Variants in PTN observed in about 807,000 individuals in gnomAD.
PTN encodes heparin affin regulatory protein.
Under a neutral mutation model 24.1 loss-of-function variants are expected in PTN, and 18 were observed. That is an observed-to-expected ratio of 0.75 (90% CI 0.52 to 1.11). The LOEUF is 1.11. Among genes scored for constraint, PTN ranks in the 50% least tolerant of loss-of-function variants. PTN has a pLI of 0.00. For synonymous variants in PTN, 78 were observed against 68.6 expected (o/e 1.14, Z -0.67); for missense variants, 163 against 198.8 (o/e 0.82, Z 1.08).
intron 1 of PTN, among the ~76,000 whole-genome samples, chr7:137,286,129 C>T (rs1220493648): frequency 6.6e-6 from 1 of 152,002 alleles, no homozygotes; most frequent in East Asian, 1.9e-4. Context: ...GTCAAATAAC[C>T]CCCAATAACT....
intron 4 of PTN, among the ~76,000 whole-genome samples, chr7:137,240,621 C>T (rs1347529569): frequency 6.6e-6 from 1 of 152,196 alleles, no homozygotes; most frequent in Non-Finnish European, 1.5e-5. Flanking sequence ...AATCATGGCC[C>T]AGTCTGCTGT....
chr7:137,287,161 C>T (rs6467703), intron 1 of PTN, among the ~76,000 whole-genome samples: 9,978 of 152,182 alleles, frequency 0.066, 639 homozygotes, highest in African/African-American at 0.17. Flanking sequence ...ATTGAATAAA[C>T]GAGGCTTGTT....
chr7:137,254,188 C>T (rs1313034295), intron 2 of PTN, among the ~76,000 whole-genome samples: 3 of 151,892 alleles, frequency 2.0e-5, no homozygotes, highest in Middle Eastern at 6.8e-3. Context: ...GCCCCAGCTA[C>T]TCGGGAAGCT....
intron 1 of PTN, among the ~76,000 whole-genome samples, chr7:137,295,113 T>A (rs1272773712): frequency 1.3e-5 from 2 of 152,100 alleles, no homozygotes; most frequent in Non-Finnish European, 2.9e-5. Context: ...GGAAATGTAC[T>A]ATAAGTGTGA....
rs186386916 is a variant in PTN, at chr7:137,296,194, T to C, written c.-1-41220A>G. 1.8e-3 allele frequency among the ~76,000 whole-genome samples: 273 copies of C among 152,190 alleles called. 1 individual carries two copies. Among genetic ancestry groups the C allele is most frequent in the African/African-American group, 6.3e-3 (262 of 41,550 alleles). On this transcript the variant is annotated intron_variant, in intron 1 of 4. Coordinates refer to ENST00000348225, the MANE Select transcript of PTN (RefSeq NM_002825.7). ...CTATTTCAGATAGAATTATAGCAAG[T>C]GAGATAAACATATGTGAAATTATCT...
chr7:137,289,663 T>G (rs1349752080), intron 1 of PTN, among the ~76,000 whole-genome samples: 1 of 152,128 alleles, frequency 6.6e-6, no homozygotes, highest in Non-Finnish European at 1.5e-5. Context: ...GTGGCAAGGA[T>G]GGTCTCTATG....
chr7:137,285,696 TA>T (rs1380303734), intron 1 of PTN, among the ~76,000 whole-genome samples: 1 of 152,172 alleles, frequency 6.6e-6, no homozygotes, highest in Non-Finnish European at 1.5e-5. Context: ...AAGTAGTTGC[TA>T]ACCTACATCA....
intron 1 of PTN, among the ~76,000 whole-genome samples, chr7:137,302,058 T>C (rs796130004): frequency 5.3e-5 from 8 of 152,134 alleles, no homozygotes; most frequent in African/African-American, 1.9e-4. Flanking sequence ...GTAAAAATTA[T>C]CTGGAAATTT....
intron 1 of PTN, among the ~76,000 whole-genome samples, chr7:137,314,562 A>C (rs1810037455): frequency 6.7e-6 from 1 of 148,760 alleles, no homozygotes; most frequent in African/African-American, 2.5e-5. Context: ...TTATGGTATT[A>C]TCTCTCAGGT....
intron 1 of PTN, among the ~76,000 whole-genome samples, chr7:137,284,322 C>T (rs752579120): frequency 6.6e-6 from 1 of 151,998 alleles, no homozygotes; most frequent in Non-Finnish European, 1.5e-5. Flanking sequence ...AGACCCTTCC[C>T]GGTCTTCTGA....
At chr7:137,277,487 C>T (rs1315580465) in intron 1 of PTN, among the ~76,000 whole-genome samples, 1 of 151,804 alleles carries the variant, frequency 6.6e-6, no homozygotes, top group East Asian at 1.9e-4. Flanking sequence ...TTGTAATAGC[C>T]AAAAATGGTA....
intron 4 of PTN, among the ~76,000 whole-genome samples, chr7:137,231,978 T>G (rs1768456154): frequency 6.6e-6 from 1 of 151,962 alleles, no homozygotes; most frequent in Non-Finnish European, 1.5e-5. Context: ...CTATAATTAG[T>G]TAAAGCCAAG....
At chr7:137,295,702 T>C (rs1809708386) in intron 1 of PTN, among the ~76,000 whole-genome samples, 1 of 152,124 alleles carries the variant, frequency 6.6e-6, no homozygotes, top group South Asian at 2.1e-4. Flanking sequence ...TTTTTCCTTT[T>C]TTTCACGTGG....
intron 1 of PTN, among the ~76,000 whole-genome samples, chr7:137,291,322 A>G (rs1408389889): frequency 6.6e-6 from 1 of 152,166 alleles, no homozygotes; most frequent in Non-Finnish European, 1.5e-5. Flanking sequence ...CTACATGTTT[A>G]TTATCAGAAA....
chr7:137,318,128 C>T (rs1810103483), intron 1 of PTN, among the ~76,000 whole-genome samples: 1 of 152,142 alleles, frequency 6.6e-6, no homozygotes, highest in Non-Finnish European at 1.5e-5. Context: ...ATCAGCCAGG[C>T]ATGGCGGCAC....
chr7:137,263,618 C>T (rs1305705767), intron 1 of PTN, among the ~76,000 whole-genome samples: 2 of 151,992 alleles, frequency 1.3e-5, no homozygotes, highest in Admixed American at 1.3e-4. Context: ...AAGTACCAGG[C>T]CTATAATATT....
At chr7:137,259,039 T>C (rs1344073594) in intron 1 of PTN, among the ~76,000 whole-genome samples, 1 of 152,136 alleles carries the variant, frequency 6.6e-6, no homozygotes, top group Non-Finnish European at 1.5e-5. Context: ...ATAGACTTAA[T>C]TGCATATTAA....
At chr7:137,305,706 T>C (rs1022364584) in intron 1 of PTN, among the ~76,000 whole-genome samples, 5 of 152,022 alleles carry the variant, frequency 3.3e-5, no homozygotes, top group East Asian at 1.9e-4. Flanking sequence ...TGTATTACCA[T>C]TGGAAAAAGA....
chr7:137,238,302 G>C (rs1460967845), intron 4 of PTN, among the ~76,000 whole-genome samples: 2 of 152,150 alleles, frequency 1.3e-5, no homozygotes, highest in Non-Finnish European at 2.9e-5. Flanking sequence ...CATGAATCCA[G>C]GCCAGGGCCC....
Sources: gnomAD v4.1 joint callset for allele counts (sites outside exome capture counted in the v4.1 genomes callset) on GRCh38, gnomAD v4.1.1 for gene constraint, MANE v1.5 for transcripts, NCBI Gene and HGNC (gene_info 2026-07-23, HGNC 2026-07-21) for gene names.